The following MGAT4C variants were observed in gnomAD, a reference collection of about 807,000 sequenced individuals.
MGAT4C encodes alpha-1,3-mannosyl-glycoprotein 4-beta-N-acetylglucosaminyltransferase C.
MGAT4C carries 19 observed loss-of-function variants against 40.1 expected under a neutral mutation model. The observed-to-expected ratio is 0.47, with a 90% CI of 0.33 to 0.70. The LOEUF (loss-of-function observed/expected upper bound fraction) is 0.70, where lower values mean the gene tolerates loss of function less well. MGAT4C is among the 30% of genes least tolerant of loss of function. The probability of loss-of-function intolerance (pLI) is 0.02; values close to 1 mark genes in which losing one functional copy is unlikely to be tolerated. For synonymous variants in MGAT4C, 181 were observed against 187.1 expected (o/e 0.97, Z 0.27); for missense variants, 491 against 563.2 (o/e 0.87, Z 1.30).
At chr12:86,700,065 T>TAGATAGATAGAC (rs1025301785) in intron 2 of MGAT4C, among the ~76,000 whole-genome samples, 1 of 27,708 alleles carries the variant, frequency 3.6e-5, no homozygotes, top group Admixed American at 3.7e-4. Context: ...GATAGATAGA[T>TAGATAGATAGAC]AAGATAGATA....
chr12:86,268,718 TACACAC>T (rs1211792700), intron 4 of MGAT4C, among the ~76,000 whole-genome samples: 1 of 147,412 alleles, frequency 6.8e-6, no homozygotes, highest in Non-Finnish European at 1.5e-5. Context: ...TATATACACA[TACACAC>T]ACACATACAT....
intron 2 of MGAT4C, among the ~76,000 whole-genome samples, chr12:86,469,106 G>A (rs186236711): frequency 3.3e-5 from 5 of 151,944 alleles, no homozygotes; most frequent in African/African-American, 9.7e-5. Context: ...TAAAACACAC[G>A]ATACTTACCA....
At chr12:86,213,236 G>T (rs997143985) in intron 1 of MGAT4C, among the ~76,000 whole-genome samples, 6 of 111,480 alleles carry the variant, frequency 5.4e-5, no homozygotes, top group African/African-American at 1.8e-4. Flanking sequence ...AGATCAATTT[G>T]GGATAGAAAC....
chr12:86,239,282 A>G (rs1951680328), intron 1 of MGAT4C, among the ~76,000 whole-genome samples: 1 of 152,056 alleles, frequency 6.6e-6, no homozygotes, highest in African/African-American at 2.4e-5. Flanking sequence ...ATTTTTATTT[A>G]GGAAAGCTCG....
At chr12:86,764,699 G>A (rs190653949) in intron 1 of MGAT4C, among the ~76,000 whole-genome samples, 14 of 152,108 alleles carry the variant, frequency 9.2e-5, no homozygotes, top group Non-Finnish European at 1.8e-4. Flanking sequence ...AGCAGCATTC[G>A]CAGTTCAGGA....
chr12:86,776,406 A>G (rs1041624881), intron 1 of MGAT4C, among the ~76,000 whole-genome samples: 2 of 151,866 alleles, frequency 1.3e-5, no homozygotes, highest in African/African-American at 4.8e-5. Flanking sequence ...AAATGTTTCC[A>G]TGTATGAGGT....
chr12:86,787,608 A>G (rs1951954654), intron 1 of MGAT4C, among the ~76,000 whole-genome samples: 1 of 152,170 alleles, frequency 6.6e-6, no homozygotes, highest in Non-Finnish European at 1.5e-5. Flanking sequence ...TATTATTAAA[A>G]AGTCAAAAAA....
chr12:86,710,841 A>T (rs1222252829), intron 2 of MGAT4C, among the ~76,000 whole-genome samples: 1 of 152,192 alleles, frequency 6.6e-6, no homozygotes, highest in Non-Finnish European at 1.5e-5. Flanking sequence ...ACACCATGAA[A>T]TACTACTTAG....
intron 3 of MGAT4C, among the ~76,000 whole-genome samples, chr12:86,365,933 T>G (rs1029242551): frequency 6.6e-6 from 1 of 152,212 alleles, no homozygotes; most frequent in Non-Finnish European, 1.5e-5. Flanking sequence ...AAAATGCCAT[T>G]GGTATTTTGA....
intron 1 of MGAT4C, among the ~76,000 whole-genome samples, chr12:86,765,232 G>A (rs1951483463): frequency 6.6e-6 from 1 of 152,180 alleles, no homozygotes; most frequent in Non-Finnish European, 1.5e-5. Context: ...GAAGCCTCAG[G>A]AGCTAATGCA....
In MGAT4C at chr12:85,978,083, T is replaced by C; in HGVS notation, c.*1206A>G. 6.6e-6 allele frequency: 1 copy of C among 151,666 alleles called. No homozygotes were observed. The highest frequency in any genetic ancestry group is 1.5e-5 in the Non-Finnish European group (1 of 67,594). The allele number at this position is 151,666 out of a possible 1,614,324, so 9.4% of individuals were successfully genotyped here. ...AAAGTTTAGTCAAGTTTGCTTACTA[T>C]TTGGGTGCTTATACCAAAAAAGCAT... On this transcript the variant is annotated 3_prime_UTR_variant, in exon 5 of 5. Transcript: ENST00000611864.
At chr12:86,794,375 T>C (rs1351023437) in intron 1 of MGAT4C, among the ~76,000 whole-genome samples, 1 of 151,812 alleles carries the variant, frequency 6.6e-6, no homozygotes, top group Non-Finnish European at 1.5e-5. Flanking sequence ...ATATTTTATT[T>C]TATTTATGTT....
At chr12:86,779,471 G>A (rs1951798698) in intron 1 of MGAT4C, among the ~76,000 whole-genome samples, 1 of 151,992 alleles carries the variant, frequency 6.6e-6, no homozygotes, top group African/African-American at 2.4e-5. Context: ...GCATGGTAGT[G>A]TACGCCTGTA....
At chr12:86,719,170 T>C (rs1773246532) in intron 2 of MGAT4C, among the ~76,000 whole-genome samples, 1 of 152,204 alleles carries the variant, frequency 6.6e-6, no homozygotes, top group Non-Finnish European at 1.5e-5. Context: ...TCCACCTTCG[T>C]ATCACAAGTA....
chr12:86,574,998 A>C (rs141308534), intron 2 of MGAT4C, among the ~76,000 whole-genome samples: 1 of 151,870 alleles, frequency 6.6e-6, no homozygotes, highest in East Asian at 1.9e-4. Context: ...TCACTTCAAA[A>C]TCAAAACCTT....
intron 2 of MGAT4C, among the ~76,000 whole-genome samples, chr12:86,704,684 T>A (rs1204996563): frequency 1.3e-5 from 2 of 152,104 alleles, no homozygotes; most frequent in East Asian, 3.8e-4. Context: ...CCAACATTTG[T>A]TGACAGTAAA....
intron 1 of MGAT4C, among the ~76,000 whole-genome samples, chr12:86,235,996 T>C (rs1951524657): frequency 6.6e-6 from 1 of 152,058 alleles, no homozygotes; most frequent in Non-Finnish European, 1.5e-5. Flanking sequence ...TGGATTAACA[T>C]AGCATTATGT....
At chr12:86,672,886 C>T (rs1404351347) in intron 2 of MGAT4C, among the ~76,000 whole-genome samples, 1 of 151,776 alleles carries the variant, frequency 6.6e-6, no homozygotes, top group Non-Finnish European at 1.5e-5. Flanking sequence ...TATATATGTA[C>T]CCTCTGAATC....
chr12:86,755,895 G>A (rs541509349), intron 1 of MGAT4C, among the ~76,000 whole-genome samples: 392 of 152,034 alleles, frequency 2.6e-3, no homozygotes, highest in Middle Eastern at 6.8e-3. Flanking sequence ...CAATTGGCCA[G>A]CTTTGGGCTC....
Sources: allele counts gnomAD v4.1 joint callset (sites outside exome capture counted in the v4.1 genomes callset), GRCh38; gene constraint gnomAD v4.1.1; transcripts MANE v1.5; gene names NCBI Gene and HGNC (gene_info 2026-07-23, HGNC 2026-07-21).